Variants in VAT1L observed in about 807,000 individuals in gnomAD.
The protein encoded by VAT1L is vesicle amine transport 1 like.
VAT1L carries 34 observed loss-of-function variants against 44.1 expected under a neutral mutation model. The ratio of observed to expected loss-of-function variants is 0.77; its 90% confidence interval spans 0.59 to 1.03. The LOEUF is 1.03. VAT1L is among the 50% of genes least tolerant of loss of function. VAT1L has a pLI of 0.00. For missense variants in VAT1L, 615 were observed against 538.8 expected (o/e 1.14, Z -1.40); for synonymous variants, 253 against 202.2 (o/e 1.25, Z -2.13).
intron 7 of VAT1L, among the ~76,000 whole-genome samples, chr16:77,968,769 C>T (rs539396129): frequency 1.5e-4 from 23 of 152,138 alleles, no homozygotes; most frequent in African/African-American, 3.4e-4. Flanking sequence ...GGCTCTGCTA[C>T]GAGGGTTTGT....
At chr16:77,917,255 G>C (rs895782793) in intron 7 of VAT1L, among the ~76,000 whole-genome samples, 1 of 152,118 alleles carries the variant, frequency 6.6e-6, no homozygotes, top group Admixed American at 6.6e-5. Context: ...ACCAGAAGGG[G>C]AGAAAAATTG....
At chr16:77,839,500 C>A (rs1267678564) in intron 3 of VAT1L, among the ~76,000 whole-genome samples, 1 of 127,838 alleles carries the variant, frequency 7.8e-6, no homozygotes, top group African/African-American at 3.0e-5. Context: ...CGCGCCACTG[C>A]ACTCCAGCCT....
chr16:77,895,455 A>G (rs2017313862), intron 7 of VAT1L, among the ~76,000 whole-genome samples: 1 of 152,154 alleles, frequency 6.6e-6, no homozygotes, highest in Non-Finnish European at 1.5e-5. Context: ...TGGATCCAAT[A>G]CAATCACAAG....
chr16:77,834,277 G>C (rs1320833755), intron 3 of VAT1L, among the ~76,000 whole-genome samples: 5 of 152,150 alleles, frequency 3.3e-5, no homozygotes, highest in South Asian at 4.1e-4. Context: ...CCTCTGTAAG[G>C]TGTGTGGCCC....
At chr16:77,917,843 C>G (rs2017567303) in intron 7 of VAT1L, among the ~76,000 whole-genome samples, 1 of 152,172 alleles carries the variant, frequency 6.6e-6, no homozygotes, top group Admixed American at 6.5e-5. Context: ...TACAAGGATT[C>G]TGAATCCCCA....
chr16:77,928,732 T>C (rs906597604), intron 7 of VAT1L, among the ~76,000 whole-genome samples: 1 of 143,392 alleles, frequency 7.0e-6, no homozygotes, highest in Non-Finnish European at 1.5e-5. Flanking sequence ...TGTCTTAAAT[T>C]GATGGGGGTG....
At chr16:77,828,845 A>C (rs1175850831) in intron 3 of VAT1L, among the ~76,000 whole-genome samples, 1 of 152,096 alleles carries the variant, frequency 6.6e-6, no homozygotes, top group East Asian at 1.9e-4. Context: ...TTCAGAAGGA[A>C]TACAACCCTG....
At chr16:77,821,063 A>T (rs1170264791) in intron 2 of VAT1L, among the ~76,000 whole-genome samples, 1 of 152,162 alleles carries the variant, frequency 6.6e-6, no homozygotes, top group Non-Finnish European at 1.5e-5. Flanking sequence ...CCACCCATGG[A>T]GAAGTTAGAC....
chr16:77,877,018 C>T (rs573023558), intron 5 of VAT1L, among the ~76,000 whole-genome samples: 1 of 152,066 alleles, frequency 6.6e-6, no homozygotes, highest in African/African-American at 2.4e-5. Context: ...GCGTCCCACT[C>T]TTAAGACAGA....
chr16:77,794,423 T>C (rs1220324388), intron 1 of VAT1L, among the ~76,000 whole-genome samples: 3 of 152,216 alleles, frequency 2.0e-5, no homozygotes, highest in Non-Finnish European at 2.9e-5. Context: ...ACACCCATGC[T>C]GATTAAACAC....
intron 7 of VAT1L, among the ~76,000 whole-genome samples, chr16:77,949,620 G>A (rs936490569): frequency 2.6e-5 from 4 of 152,138 alleles, no homozygotes; most frequent in Non-Finnish European, 4.4e-5. Flanking sequence ...AAAGAGCCTA[G>A]TGCCTCACCT....
chr16:77,839,166 G>C (rs1404290918), intron 3 of VAT1L, among the ~76,000 whole-genome samples: 1 of 152,130 alleles, frequency 6.6e-6, no homozygotes, highest in Admixed American at 6.5e-5. Flanking sequence ...CTAAACTGAG[G>C]ACTGATGTCT....
At chr16:77,886,129 G>A (rs1477347447) in intron 7 of VAT1L, among the ~76,000 whole-genome samples, 2 of 152,096 alleles carry the variant, frequency 1.3e-5, no homozygotes, top group African/African-American at 2.4e-5. Flanking sequence ...TTTTTCTATT[G>A]CAGATGCTCA....
At chr16:77,967,023 C>T (rs1441258297) in intron 7 of VAT1L, among the ~76,000 whole-genome samples, 1 of 151,792 alleles carries the variant, frequency 6.6e-6, no homozygotes, top group Non-Finnish European at 1.5e-5. Context: ...TTCTGGAGCC[C>T]ATCGAGCCCA....
chr16:77,971,687 G>C (rs1236651773), intron 7 of VAT1L, among the ~76,000 whole-genome samples, 163 bp from the exon 8 acceptor site: 1 of 152,136 alleles, frequency 6.6e-6, no homozygotes, highest in Non-Finnish European at 1.5e-5. Flanking sequence ...GGCCCAACCA[G>C]AATGTAGTTG....
At chr16:77,913,814 A>G (rs2142487610) in intron 7 of VAT1L, among the ~76,000 whole-genome samples, 1 of 152,360 alleles carries the variant, frequency 6.6e-6, no homozygotes, top group East Asian at 1.9e-4. Context: ...AGTCAGACAT[A>G]GAATTAGGAC....
chr16:77,838,869 A>G (rs1034309644), intron 3 of VAT1L, among the ~76,000 whole-genome samples: 3 of 128,894 alleles, frequency 2.3e-5, no homozygotes, highest in African/African-American at 8.9e-5. Flanking sequence ...TCTCCCCTTT[A>G]TTCTTTCTCT....
At chr16:77,963,982 C>T (rs1253537703) in intron 7 of VAT1L, among the ~76,000 whole-genome samples, 1 of 152,126 alleles carries the variant, frequency 6.6e-6, no homozygotes, top group African/African-American at 2.4e-5. Flanking sequence ...TTAGGGACTT[C>T]AAGATCTGCC....
chr16:77,800,367 C>T (rs950451750), intron 1 of VAT1L: 2 of 152,160 alleles, frequency 1.3e-5, no homozygotes, highest in Admixed American at 6.5e-5. Flanking sequence ...ACTCAAGCAT[C>T]CCTGCAATAC....
Sources: allele counts gnomAD v4.1 joint callset (sites outside exome capture counted in the v4.1 genomes callset), GRCh38; gene constraint gnomAD v4.1.1; transcripts MANE v1.5; gene names NCBI Gene and HGNC (gene_info 2026-07-23, HGNC 2026-07-21).